The following AOAH variants were observed in gnomAD, a reference collection of about 807,000 sequenced individuals.
AOAH encodes the protein acyloxyacyl hydrolase (neutrophil).
Under a neutral mutation model 92.2 loss-of-function variants are expected in AOAH, and 64 were observed. The observed-to-expected ratio is 0.69, with a 90% confidence interval of 0.57 to 0.86. AOAH has a LOEUF of 0.86. Ranked by LOEUF, AOAH falls within the 40% of genes least tolerant of loss-of-function variation. AOAH has a pLI of 0.00. For synonymous variants in AOAH, 263 were observed against 254.5 expected, an observed-to-expected ratio of 1.03 and a Z score of -0.32; for missense variants, 656 against 694.6, an observed-to-expected ratio of 0.94 and a Z score of 0.62.
intron 4 of AOAH, among the ~76,000 whole-genome samples, chr7:36,641,690 C>T (rs1285080444): frequency 6.6e-6 from 1 of 152,172 alleles, no homozygotes; most frequent in Non-Finnish European, 1.5e-5. Flanking sequence ...AACACACTCC[C>T]ATGCATACAT....
At chr7:36,607,463 A>G (rs973980073) in intron 11 of AOAH, among the ~76,000 whole-genome samples, 1 of 152,220 alleles carries the variant, frequency 6.6e-6, no homozygotes, top group Non-Finnish European at 1.5e-5. Context: ...TAACTGGCAC[A>G]TGAGGCAGGC....
At chr7:36,640,183 G>A (rs879459299) in intron 4 of AOAH, among the ~76,000 whole-genome samples, 2 of 152,060 alleles carry the variant, frequency 1.3e-5, no homozygotes, top group African/African-American at 4.8e-5. Context: ...AGGGGGAGTC[G>A]AAGCGTCCAA....
In AOAH at chr7:36,516,369, G is replaced by A. The variant is rs1311657578; in HGVS notation, c.1600-2989C>T. On this transcript the variant is annotated intron_variant, in intron 20 of 20. Coordinates refer to ENST00000617537, the MANE Select transcript of AOAH (RefSeq NM_001637.4). This position sits in a 1 kb window ranked among gnomAD's most constrained non-coding sequence, Gnocchi z 5.0. ...CACACACCCCCACAGAAAGCACACA[G>A]ATACCACACACACCCCCACAGAAAG... is the stretch of plus-strand genomic sequence containing the variant. Among the ~76,000 whole-genome samples the A allele has an allele frequency of 1.1e-5, 1 of 92,186 alleles. No homozygotes were observed. The highest frequency in any genetic ancestry group is 2.0e-5 in the Non-Finnish European group (1 of 50,020). The allele number at this position is 92,186 out of a possible 152,430, so 60.5% of individuals were successfully genotyped here.
intron 11 of AOAH, among the ~76,000 whole-genome samples, chr7:36,604,615 C>G (rs1021643633): frequency 1.3e-5 from 2 of 152,134 alleles, no homozygotes; most frequent in African/African-American, 4.8e-5. Flanking sequence ...GATATGTGTG[C>G]CTTCACTTGG....
chr7:36,572,160 A>T (rs1044810784), intron 13 of AOAH, among the ~76,000 whole-genome samples: 1 of 152,210 alleles, frequency 6.6e-6, no homozygotes, highest in African/African-American at 2.4e-5. Flanking sequence ...AATAAATAAA[A>T]AATGAAATTA....
chr7:36,549,678 T>G (rs1786052926), intron 13 of AOAH, among the ~76,000 whole-genome samples: 1 of 152,234 alleles, frequency 6.6e-6, no homozygotes, highest in African/African-American at 2.4e-5. Flanking sequence ...AGGGCTTTTC[T>G]GTTTATTTAG....
intron 2 of AOAH, among the ~76,000 whole-genome samples, chr7:36,675,408 A>C (rs904723309): frequency 1.3e-5 from 2 of 152,216 alleles, no homozygotes; most frequent in Non-Finnish European, 1.5e-5. Context: ...TAAAATAAAA[A>C]ATTCTTAGAA....
At chr7:36,719,397 C>T (rs988865712) in intron 1 of AOAH, among the ~76,000 whole-genome samples, 6 of 152,140 alleles carry the variant, frequency 3.9e-5, no homozygotes, top group African/African-American at 1.2e-4. Flanking sequence ...GCAAAACAAA[C>T]TTTATGAGTA....
chr7:36,678,600 T>TGTGTGTGTGTGTGTGCGCGCGCGCGC (rs549317369), intron 2 of AOAH, among the ~76,000 whole-genome samples: 1 of 131,032 alleles, frequency 7.6e-6, no homozygotes, highest in Non-Finnish European at 1.7e-5. Flanking sequence ...TGTGTGTGTG[T>TGTGTGTGTGTGTGTGCGCGCGCGCGC]GCGCGCGCGC....
chr7:36,586,471 C>T (rs1789327009), intron 12 of AOAH, among the ~76,000 whole-genome samples: 1 of 152,152 alleles, frequency 6.6e-6, no homozygotes. Context: ...TATTTCCTTG[C>T]CCTCCAGGAC....
intron 8 of AOAH, among the ~76,000 whole-genome samples, chr7:36,621,286 G>C (rs1286447561): frequency 1.3e-5 from 2 of 152,244 alleles, no homozygotes; most frequent in African/African-American, 2.4e-5. Flanking sequence ...GCTAATATAT[G>C]ACATGTTTTC....
chr7:36,661,312 G>A (rs1448424077), intron 3 of AOAH: 8 of 152,200 alleles, frequency 5.3e-5, no homozygotes, highest in Admixed American at 5.2e-4. Flanking sequence ...AGAGAAGCTC[G>A]AGTGAGCTGG....
chr7:36,620,842 C>T lies in AOAH; in HGVS notation c.654-13G>A. On this transcript the variant is annotated splice_polypyrimidine_tract_variant and intron_variant, in intron 8 of 20. Transcript: ENST00000617537. ...CCAGTTGTTCGGCCTAAGAAAAAAA[C>T]ATTAACATTGGTCTTTGACATATGC... 1 of 1,613,366 alleles carries T rather than the reference C, an allele frequency of 6.2e-7. No individual in the cohort carries two copies. Among genetic ancestry groups the T allele is most frequent in the South Asian group, 1.1e-5 (1 of 90,974 alleles).
At chr7:36,721,110 G>C (rs1293264683) in intron 1 of AOAH, among the ~76,000 whole-genome samples, 1 of 152,162 alleles carries the variant, frequency 6.6e-6, no homozygotes, top group Non-Finnish European at 1.5e-5. Flanking sequence ...TCGCTCCCCA[G>C]CTTCTGGAGC....
intron 3 of AOAH, among the ~76,000 whole-genome samples, chr7:36,662,253 T>C (rs1035817498): frequency 2.0e-5 from 3 of 152,246 alleles, no homozygotes; most frequent in Non-Finnish European, 4.4e-5. Flanking sequence ...TCCAGCTGAA[T>C]GCAGCTAAAG....
At chr7:36,537,454 G>A (rs945847933) in intron 16 of AOAH, among the ~76,000 whole-genome samples, 2 of 150,208 alleles carry the variant, frequency 1.3e-5, no homozygotes, top group African/African-American at 4.9e-5. Flanking sequence ...CATTGTAGAT[G>A]TTTAGCAAAC....
chr7:36,678,600 T>TGTGTGTGTGTGTGTGTGTGTGCGCGCGC (rs549317369), intron 2 of AOAH, among the ~76,000 whole-genome samples: 2 of 131,032 alleles, frequency 1.5e-5, no homozygotes, highest in Admixed American at 7.7e-5. Flanking sequence ...TGTGTGTGTG[T>TGTGTGTGTGTGTGTGTGTGTGCGCGCGC]GCGCGCGCGC....
At position 36,555,843 on chromosome 7, in the gene AOAH, G is replaced by A. The variant is rs368051385; in HGVS notation, c.1022-6368C>T. Among the ~76,000 whole-genome samples, 223 of 152,070 alleles carry A rather than the reference G, an allele frequency of 1.5e-3. 5 individuals carry two copies. The East Asian group carries it at 0.036, about 25-fold the overall frequency. The stretch of plus-strand genomic sequence containing the variant: ...GATCGGTGGTGATATCCCCTTTATC[G>A]TTTTTTATTGCGTCTATTTGATTCT... On this transcript the variant is annotated intron_variant, in intron 13 of 20. Coordinates refer to ENST00000617537, the MANE Select transcript of AOAH (RefSeq NM_001637.4).
At chr7:36,597,879 G>A (rs1282716563) in intron 11 of AOAH, 1 of 152,174 alleles carries the variant, frequency 6.6e-6, no homozygotes, top group East Asian at 1.9e-4. Flanking sequence ...TTCTGCGTCT[G>A]GCTCTACAAA....
Sources: gnomAD v4.1 joint callset for allele counts (sites outside exome capture counted in the v4.1 genomes callset) on GRCh38, gnomAD v4.1.1 for gene constraint, Gnocchi (gnomAD v3.1) non-coding constraint, MANE v1.5 for transcripts, NCBI Gene and HGNC (gene_info 2026-07-23, HGNC 2026-07-21) for gene names.